The following POU2F3 variants were observed in gnomAD, a reference collection of about 807,000 sequenced individuals.
POU2F3 encodes POU class 2 homeobox 3, also known as POU domain, class 2, transcription factor 3.
POU2F3 carries 23 observed loss-of-function variants against 59.2 expected under a neutral mutation model. The observed-to-expected ratio is 0.39, with a 90% confidence interval of 0.28 to 0.55. POU2F3 has a LOEUF of 0.55. POU2F3 is among the 20% of genes least tolerant of loss of function. POU2F3 has a pLI of 0.66. For missense variants in POU2F3, 473 were observed against 544.5 expected, an observed-to-expected ratio of 0.87 and a Z score of 1.31; for synonymous variants, 190 against 214.6, an observed-to-expected ratio of 0.89 and a Z score of 1.00.
chr11:120,268,324 T>C (rs969736776), intron 2 of POU2F3, among the ~76,000 whole-genome samples: 1 of 151,932 alleles, frequency 6.6e-6, no homozygotes, highest in African/African-American at 2.4e-5. Context: ...GCTTTGCTTT[T>C]CTTCCTCTTA....
At chr11:120,304,942 T>TAAAAAAAAAAAAA (rs11443197) in intron 6 of POU2F3, 88 bp from the exon 7 acceptor site, 5 of 336,666 alleles carry the variant, frequency 1.5e-5, no homozygotes, top group South Asian at 7.3e-5. Flanking sequence ...GGCCTATTAG[T>TAAAAAAAAAAAAA]AAAAAAAAAA....
intron 3 of POU2F3, among the ~76,000 whole-genome samples, chr11:120,277,748 C>G (rs188940493): frequency 6.6e-6 from 1 of 152,138 alleles, no homozygotes; most frequent in Admixed American, 6.5e-5. Flanking sequence ...CACCACTGCA[C>G]TCCAGCATGG....
In POU2F3 at chr11:120,247,911, G is replaced by A. The variant is rs115039605; in HGVS notation, c.97+1394G>A. ...TGTGTGGGGACACAGCTAAGAGAGC[G>A]TCCACATGGAAAGAAGACCACGCCT... On this transcript the variant is annotated intron_variant, in intron 2 of 12. Coordinates refer to ENST00000543440, the MANE Select transcript of POU2F3 (RefSeq NM_014352.4). Among the ~76,000 whole-genome samples the A allele has an allele frequency of 9.1e-3, 1,381 of 152,318 alleles. 13 individuals are homozygous for A. The highest frequency in any genetic ancestry group is 0.031 in the Middle Eastern group (9 of 294).
Position 120,268,365 on chromosome 11 carries a change from G to A in POU2F3, c.98-845G>A, listed in dbSNP as rs938607093. Among the ~76,000 whole-genome samples, 3 of 152,082 alleles carry A rather than the reference G, an allele frequency of 2.0e-5. No homozygotes were observed. The South Asian group carries it at 6.2e-4, about 32-fold the overall frequency. On this transcript the variant is annotated intron_variant, in intron 2 of 12. Transcript: ENST00000543440. ...TTATTTATTTATTTATTTTGAGACA[G>A]GGTCTCATTCTGTTGCCCAGGCTGG...
At chr11:120,247,592 G>A (rs1174985547) in intron 2 of POU2F3, among the ~76,000 whole-genome samples, 1 of 152,156 alleles carries the variant, frequency 6.6e-6, no homozygotes, top group Non-Finnish European at 1.5e-5. Flanking sequence ...GGAGAATGTG[G>A]GCCGGTCACA....
upstream of POU2F3, chr11:120,240,138 G>C: frequency 8.4e-7 from 1 of 1,188,776 alleles, no homozygotes; most frequent in Non-Finnish European, 1.0e-6. Flanking sequence ...GCTCACCTGG[G>C]GAGTGTGGCA....
intron 3 of POU2F3, among the ~76,000 whole-genome samples, chr11:120,292,332 G>A (rs969470829): frequency 6.6e-6 from 1 of 151,478 alleles, no homozygotes; most frequent in Non-Finnish European, 1.5e-5. Context: ...TCCCTGATAA[G>A]CAGCCCAGGG....
upstream of POU2F3, chr11:120,236,829 C>A: frequency 2.1e-6 from 2 of 971,990 alleles, no homozygotes; most frequent in Non-Finnish European, 1.6e-6. Flanking sequence ...ACAGGTGGGA[C>A]TTAGAGGGCA....
chr11:120,302,058 C>T (rs1053438208), intron 5 of POU2F3: 2 of 507,472 alleles, frequency 3.9e-6, no homozygotes, highest in Non-Finnish European at 7.0e-6. Context: ...GGTTTGGGGA[C>T]TGCTGTTTAC....
intron 3 of POU2F3, among the ~76,000 whole-genome samples, chr11:120,294,838 G>T (rs1941144715): frequency 6.6e-6 from 1 of 152,082 alleles, no homozygotes. Flanking sequence ...CTTTCAATTT[G>T]ATTGGTTAGG....
chr11:120,280,938 C>G (rs2135232499), intron 3 of POU2F3, among the ~76,000 whole-genome samples: 1 of 152,204 alleles, frequency 6.6e-6, no homozygotes, highest in Non-Finnish European at 1.5e-5. Context: ...TGAGAAGGGT[C>G]CAGGGAAGAG....
Position 120,240,156 on chromosome 11 carries a change from C to A in POU2F3, c.-188C>A. 8.3e-7 allele frequency: 1 copy of A among 1,202,790 alleles called. No individual in the cohort carries two copies. Among genetic ancestry groups the A allele is most frequent in the Non-Finnish European group, 1.0e-6 (1 of 965,818 alleles). 74.5% of individuals were successfully genotyped at this position (1,202,790 alleles called of 1,614,324 possible). A position where few individuals can be genotyped will look rare whatever the true frequency, so the allele number is the denominator to read the frequency against. ...CACCTGGGGAGTGTGGCAATCCTGG[C>A]GGCGCCGAGTGTTGCCCGGGCCGGA... On this transcript the variant is annotated 5_prime_UTR_variant, in exon 1 of 13. Transcript: ENST00000543440.
At chr11:120,300,670 A>G (rs1941323065) in intron 5 of POU2F3, among the ~76,000 whole-genome samples, 1 of 152,186 alleles carries the variant, frequency 6.6e-6, no homozygotes, top group Non-Finnish European at 1.5e-5. Flanking sequence ...AGGTTGAGGC[A>G]AGAAAATCAC....
chr11:120,256,946 T>C (rs1480267877), intron 2 of POU2F3: 1 of 152,232 alleles, frequency 6.6e-6, no homozygotes, highest in Non-Finnish European at 1.5e-5. Flanking sequence ...TATTAATCAG[T>C]AACCTTAGGC....
At chr11:120,250,811 A>G (rs1018220206) in intron 2 of POU2F3, among the ~76,000 whole-genome samples, 6 of 152,270 alleles carry the variant, frequency 3.9e-5, no homozygotes, top group Non-Finnish European at 7.4e-5. Flanking sequence ...CCCCATCTCT[A>G]CTAAAAATAC....
chr11:120,257,889 A>G (rs1194354783), intron 2 of POU2F3, among the ~76,000 whole-genome samples: 1 of 152,204 alleles, frequency 6.6e-6, no homozygotes, highest in Non-Finnish European at 1.5e-5. Flanking sequence ...TGGACCTTGG[A>G]GCCAGAACTT....
intron 3 of POU2F3, among the ~76,000 whole-genome samples, chr11:120,288,910 A>G (rs1940925040): frequency 1.4e-5 from 2 of 141,150 alleles, no homozygotes. Context: ...GTACCTTTAA[A>G]CCTCTCAAGA....
In POU2F3 at chr11:120,240,167, G is replaced by T. The variant is rs2135110965; in HGVS notation, c.-177G>T. The T allele has an allele frequency of 8.2e-7, 1 of 1,214,450 alleles. No individual in the cohort carries two copies. Among genetic ancestry groups the T allele is most frequent in the East Asian group, 3.4e-5 (1 of 29,038 alleles). The allele number at this position is 1,214,450 out of a possible 1,614,324, so 75.2% of individuals were successfully genotyped here. On this transcript the variant is annotated 5_prime_UTR_variant, in exon 1 of 13. Coordinates refer to ENST00000543440, the MANE Select transcript of POU2F3 (RefSeq NM_014352.4). ...TGTGGCAATCCTGGCGGCGCCGAGT[G>T]TTGCCCGGGCCGGAGCAGCGGAGCG... is the stretch of plus-strand genomic sequence containing the variant.
intron 3 of POU2F3, among the ~76,000 whole-genome samples, chr11:120,282,348 G>A (rs927530228): frequency 3.3e-5 from 5 of 152,194 alleles, no homozygotes; most frequent in African/African-American, 1.2e-4. Context: ...TCCTTCACCA[G>A]AGAATCTGTG....
Sources: gnomAD v4.1 joint callset for allele counts (sites outside exome capture counted in the v4.1 genomes callset) on GRCh38, gnomAD v4.1.1 for gene constraint, MANE v1.5 for transcripts, NCBI Gene and HGNC (gene_info 2026-07-23, HGNC 2026-07-21) for gene names.